The following TXNDC16 variants were observed in gnomAD, a reference collection of about 807,000 sequenced individuals.
TXNDC16 encodes the protein thioredoxin domain containing 16.
In TXNDC16, 74 loss-of-function variants were observed where a neutral mutation model predicts 85.6. The observed-to-expected ratio is 0.86, with a 90% CI of 0.72 to 1.05. TXNDC16 has a LOEUF of 1.05. Ranked by LOEUF, TXNDC16 falls within the 50% of genes least tolerant of loss-of-function variation. The pLI is 0.00. For synonymous variants in TXNDC16, 335 were observed against 326.5 expected (o/e 1.03, Z -0.28); for missense variants, 959 against 947.0 (o/e 1.01, Z -0.17).
intron 9 of TXNDC16, among the ~76,000 whole-genome samples, chr14:52,496,340 G>A (rs879412791): frequency 6.6e-6 from 1 of 151,678 alleles, no homozygotes; most frequent in Non-Finnish European, 1.5e-5. Context: ...CCAGTTCCTT[G>A]ACTAGGGCTC....
chr14:52,492,380 C>G (rs1158518626), intron 9 of TXNDC16, among the ~76,000 whole-genome samples: 1 of 152,134 alleles, frequency 6.6e-6, no homozygotes, highest in East Asian at 1.9e-4. Context: ...TTATAGAGCT[C>G]TAGGCTCGGC....
At chr14:52,550,213 C>G (rs2038017430) in intron 1 of TXNDC16, among the ~76,000 whole-genome samples, 1 of 152,150 alleles carries the variant, frequency 6.6e-6, no homozygotes, top group Admixed American at 6.5e-5. Context: ...GGCCATCATA[C>G]TCAGGAAAAA....
At chr14:52,529,385 A>AT (rs2037421223) in intron 6 of TXNDC16, among the ~76,000 whole-genome samples, 1 of 151,026 alleles carries the variant, frequency 6.6e-6, no homozygotes, top group Admixed American at 6.7e-5. Flanking sequence ...TGACAAGTTA[A>AT]TGGGTGCAGC....
At chr14:52,518,616 C>T (rs2037139063) in intron 7 of TXNDC16, among the ~76,000 whole-genome samples, 1 of 152,124 alleles carries the variant, frequency 6.6e-6, no homozygotes, top group South Asian at 2.1e-4. Flanking sequence ...TCATCTCTTG[C>T]TTGACTTATT....
At position 52,441,388 on chromosome 14, in the gene TXNDC16, C is replaced by A. The variant is rs75435495; in HGVS notation, c.1843-664G>T. ...CTTTGGGAGGCCGACGCAGGCAGATCGCCTGAGGTCAGGAGTTCGAGACCA... is the reference window on the plus strand; with the variant it reads ...CTTTGGGAGGCCGACGCAGGCAGATAGCCTGAGGTCAGGAGTTCGAGACCA... On this transcript the variant is annotated intron_variant, in intron 18 of 20. Transcript: ENST00000281741. Among the ~76,000 whole-genome samples the A allele has an allele frequency of 3.8e-3, 585 of 152,192 alleles. 26 individuals are homozygous for A. In the East Asian group the frequency reaches 0.096, roughly 25 times the overall value.
In TXNDC16 at chr14:52,490,864, T is replaced by G; in HGVS notation, c.898A>C (p.Lys300Gln). ...AEWVAWRLLGKAGVLLLLRDS... is the reference protein window; with the variant it reads ...AEWVAWRLLGQAGVLLLLRDS... ...CTTAACAAGAGTAGAACTCCTGCTT[T>G]TCCCAGAAGACGCCAAGCAACCCAT... is the stretch of plus-strand genomic sequence containing the variant. The change falls in exon 10 of 21, where the codon AAA becomes CAA. Residue 300 changes from lysine (K) to glutamine (Q), a missense_variant. By Grantham distance (53) the Lys-to-Gln change is moderately conservative. Coordinates refer to ENST00000281741, the MANE Select transcript of TXNDC16 (RefSeq NM_020784.3). The G allele has an allele frequency of 6.2e-7, 1 of 1,612,136 alleles. No individual in the cohort carries two copies. The highest frequency in any genetic ancestry group is 8.5e-7 in the Non-Finnish European group (1 of 1,179,536).
chr14:52,455,498 A>T, intron 17 of TXNDC16, 36 bp from the exon 18 acceptor site: 1 of 1,610,600 alleles, frequency 6.2e-7, no homozygotes, highest in Non-Finnish European at 8.5e-7. Context: ...TCACGATCAA[A>T]ATCTAGCATG....
At chr14:52,443,121 A>T (rs2035203336) in intron 18 of TXNDC16, among the ~76,000 whole-genome samples, 1 of 152,124 alleles carries the variant, frequency 6.6e-6, no homozygotes, top group Non-Finnish European at 1.5e-5. Context: ...GGTGGGCTGG[A>T]AAAGGCAGAC....
chr14:52,535,414 G>T (rs2037677114), intron 6 of TXNDC16, among the ~76,000 whole-genome samples: 1 of 152,062 alleles, frequency 6.6e-6, no homozygotes, highest in South Asian at 2.1e-4. Flanking sequence ...ATTGGGACTG[G>T]AACATTTGTA....
intron 14 of TXNDC16, among the ~76,000 whole-genome samples, chr14:52,477,732 G>A (rs926220680): frequency 2.0e-5 from 3 of 152,124 alleles, no homozygotes; most frequent in Non-Finnish European, 2.9e-5. Flanking sequence ...AATAGTGGGA[G>A]ACTTCAATAC....
chr14:52,440,509 T>C (rs2035139560), intron 19 of TXNDC16, 55 bp downstream of exon 19: 4 of 1,397,200 alleles, frequency 2.9e-6, no homozygotes, highest in East Asian at 5.2e-5. Flanking sequence ...AATGAAAATG[T>C]AATAATTATT....
At chr14:52,454,579 G>C (rs573154296) in intron 18 of TXNDC16, among the ~76,000 whole-genome samples, 2 of 149,722 alleles carry the variant, frequency 1.3e-5, no homozygotes, top group Admixed American at 1.3e-4. Context: ...CGAGGCAGGC[G>C]GATCACTTGA....
intron 12 of TXNDC16, among the ~76,000 whole-genome samples, chr14:52,483,999 C>T (rs558605967): frequency 6.6e-6 from 1 of 152,254 alleles, no homozygotes; most frequent in South Asian, 2.1e-4. Context: ...AGCAAAGGCA[C>T]AGTGGCATGT....
chr14:52,475,137 C>T (rs551762227), intron 14 of TXNDC16, among the ~76,000 whole-genome samples: 2 of 152,252 alleles, frequency 1.3e-5, no homozygotes, highest in East Asian at 1.9e-4. Flanking sequence ...GCGAAATACA[C>T]GGGTAAAGGA....
chr14:52,487,579 C>G (rs1349081252), intron 12 of TXNDC16, among the ~76,000 whole-genome samples: 1 of 152,138 alleles, frequency 6.6e-6, no homozygotes, highest in Admixed American at 6.6e-5. Context: ...ATAATTATTT[C>G]ACTATTGCCC....
At chr14:52,529,642 T>C (rs954812679) in intron 6 of TXNDC16, among the ~76,000 whole-genome samples, 2 of 104,444 alleles carry the variant, frequency 1.9e-5, no homozygotes, top group African/African-American at 8.4e-5. Flanking sequence ...ATAATGCCTA[T>C]TATATATATT....
chr14:52,502,252 T>C (rs576842524), intron 9 of TXNDC16, among the ~76,000 whole-genome samples: 121 of 152,282 alleles, frequency 7.9e-4, no homozygotes, highest in Non-Finnish European at 1.5e-3. Context: ...CCTAGTTGTC[T>C]AGGAAAAAAA....
chr14:52,524,233 T>C (rs1240607448), intron 6 of TXNDC16, among the ~76,000 whole-genome samples: 1 of 152,250 alleles, frequency 6.6e-6, no homozygotes, highest in Non-Finnish European at 1.5e-5. Flanking sequence ...ACTCAATCCT[T>C]ACGCTCTGCA....
At chr14:52,525,334 G>A (rs931631451) in intron 6 of TXNDC16, among the ~76,000 whole-genome samples, 1 of 151,886 alleles carries the variant, frequency 6.6e-6, no homozygotes, top group African/African-American at 2.4e-5. Context: ...AATCTCATGA[G>A]GCTGCAAGTA....
Sources: gnomAD v4.1 joint callset for allele counts (sites outside exome capture counted in the v4.1 genomes callset) on GRCh38, gnomAD v4.1.1 for gene constraint, MANE v1.5 for transcripts, NCBI Gene and HGNC (gene_info 2026-07-23, HGNC 2026-07-21) for gene names.